Variants in CDC42BPB observed in about 807,000 individuals in gnomAD.
CDC42BPB encodes the protein CDC42 binding protein kinase beta.
Under a neutral mutation model 214.9 loss-of-function variants are expected in CDC42BPB, and 37 were observed. The ratio of observed to expected loss-of-function variants is 0.17; its 90% CI spans 0.13 to 0.23. CDC42BPB has a LOEUF of 0.23. Among genes scored for constraint, CDC42BPB ranks in the 10% least tolerant of loss-of-function variants. The probability of loss-of-function intolerance (pLI) is 1.00; values close to 1 mark genes in which losing one functional copy is unlikely to be tolerated. For missense variants in CDC42BPB, 1,694 were observed against 2,227.0 expected, an observed-to-expected ratio of 0.76 and a Z score of 4.82; for synonymous variants, 931 against 884.0, an observed-to-expected ratio of 1.05 and a Z score of -0.94.
chr14:102,977,247 G>A (rs1226993718), intron 9 of CDC42BPB, among the ~76,000 whole-genome samples: 1 of 151,682 alleles, frequency 6.6e-6, no homozygotes, highest in Non-Finnish European at 1.5e-5. Flanking sequence ...GCTGCGGCAG[G>A]GGAATCGCTT....
At chr14:102,994,693 C>G (rs1894647887) in intron 5 of CDC42BPB, among the ~76,000 whole-genome samples, 1 of 152,234 alleles carries the variant, frequency 6.6e-6, no homozygotes, top group African/African-American at 2.4e-5. Context: ...TCAGTGGCAT[C>G]CAGCAGGTGT....
At position 102,961,763 on chromosome 14, in the gene CDC42BPB, G is replaced by A. The variant is rs183753556; in HGVS notation, c.2821+1298C>T. 8.1e-4 allele frequency among the ~76,000 whole-genome samples: 124 copies of A among 152,216 alleles called. 1 individual carries two copies. Among genetic ancestry groups the A allele is most frequent in the African/African-American group, 4.3e-4 (18 of 41,516 alleles). ...TCTCCATGTTGGTCAGGCTGGTCTCGAACTCCAGACCTCAGGTGATCCGCC... is the reference window on the plus strand; with the variant it reads ...TCTCCATGTTGGTCAGGCTGGTCTCAAACTCCAGACCTCAGGTGATCCGCC... On this transcript the variant is annotated intron_variant, in intron 20 of 36. Transcript: ENST00000361246.
At chr14:103,002,183 A>C (rs2139602189) in intron 4 of CDC42BPB, among the ~76,000 whole-genome samples, 1 of 152,304 alleles carries the variant, frequency 6.6e-6, no homozygotes, top group East Asian at 1.9e-4. Flanking sequence ...CCAGCCTCAC[A>C]ACCATAGGAA....
intron 36 of CDC42BPB, among the ~76,000 whole-genome samples, chr14:102,934,512 C>T (rs577455729): frequency 3.2e-4 from 48 of 151,898 alleles, no homozygotes; most frequent in Admixed American, 1.7e-3. Context: ...CCAGCCTGGG[C>T]GACAGAGCGA....
chr14:102,962,835 C>T (rs985555562), intron 20 of CDC42BPB, among the ~76,000 whole-genome samples: 1 of 151,960 alleles, frequency 6.6e-6, no homozygotes, highest in Non-Finnish European at 1.5e-5. Context: ...CTGGGTGACA[C>T]AGCGAGACTG....
At chr14:102,954,849 AC>A in intron 21 of CDC42BPB, 161 bp from the exon 22 acceptor site, 1 of 983,464 alleles carries the variant, frequency 1.0e-6, no homozygotes, top group Non-Finnish European at 1.2e-6. Context: ...CTCCTCACAG[AC>A]CCCTGCTCCA....
intron 20 of CDC42BPB, among the ~76,000 whole-genome samples, chr14:102,961,715 G>C (rs538967225): frequency 6.6e-6 from 1 of 152,216 alleles, no homozygotes; most frequent in South Asian, 2.1e-4. Context: ...AGCTAATTTT[G>C]TATTTTTACA....
rs921200512 is a variant in CDC42BPB, at chr14:102,967,128, G to A, written c.2389C>T (p.Leu797=). ...VDKLTAQNRQ[L]EDELQDLAAK... ...GCCAGATCCTGCAGCTCATCCTCCA[G>A]CTGTCTATTTTGAGCTGTGAGTTTA... Residue 797 remains leucine (L), a synonymous_variant, in exon 17 of 37, where the codon CTG becomes TTG. Transcript: ENST00000361246. 3 of 1,614,154 alleles carry A rather than the reference G, an allele frequency of 1.9e-6. No individual in the cohort carries two copies. The highest frequency in any genetic ancestry group is 1.7e-4 in the Middle Eastern group (1 of 6,060).
intron 2 of CDC42BPB, 131 bp from the exon 3 acceptor site, chr14:103,008,686 C>T: frequency 6.8e-7 from 1 of 1,466,918 alleles, no homozygotes; most frequent in African/African-American, 1.4e-5. Flanking sequence ...AGCCAAGTTT[C>T]CCACCTAGCA....
rs34174242 is a variant in CDC42BPB, at chr14:103,057,275, G to A, written c.-102C>T. ...GGCTCGGCGGCTGCGAGCCCCGGCA[G>A]CAGCGGCGCCTCCTCGCCGCCCCGT... On this transcript the variant is annotated 5_prime_UTR_variant, in exon 1 of 37. Transcript: ENST00000361246. 5.0e-3 allele frequency: 5,768 copies of A among 1,143,060 alleles called. 237 individuals carry two copies. In the African/African-American group the frequency reaches 0.087, roughly 17 times the overall value. The allele number at this position is 1,143,060 out of a possible 1,614,324, so 70.8% of individuals were successfully genotyped here.
chr14:102,951,306 G>A (rs1892479679), intron 24 of CDC42BPB, among the ~76,000 whole-genome samples: 3 of 152,182 alleles, frequency 2.0e-5, no homozygotes, highest in Admixed American at 2.0e-4. Flanking sequence ...AGAATGAAGG[G>A]CATCTCTGTT....
chr14:102,987,075 G>A (rs35698623), intron 5 of CDC42BPB, among the ~76,000 whole-genome samples: 242 of 152,356 alleles, frequency 1.6e-3, no homozygotes, highest in African/African-American at 5.0e-3. Context: ...AGCTGGCTGG[G>A]GGCTGCCACA....
At chr14:102,990,624 C>T (rs1404670505) in intron 5 of CDC42BPB, among the ~76,000 whole-genome samples, 3 of 152,160 alleles carry the variant, frequency 2.0e-5, no homozygotes, top group Non-Finnish European at 4.4e-5. Flanking sequence ...TAGAAGCAGG[C>T]AACCCCATAG....
chr14:103,022,139 G>A (rs899316235), intron 1 of CDC42BPB, among the ~76,000 whole-genome samples: 3 of 152,158 alleles, frequency 2.0e-5, no homozygotes, highest in Admixed American at 6.5e-5. Flanking sequence ...TCGACATGAG[G>A]TGGCTGCGGG....
At chr14:102,940,424 G>C in intron 30 of CDC42BPB, 100 bp from the exon 31 acceptor site, 1 of 1,530,810 alleles carries the variant, frequency 6.5e-7, no homozygotes, top group Non-Finnish European at 8.8e-7. Context: ...AAGTGCAGAG[G>C]CGGCAGCACT....
intron 11 of CDC42BPB, 99 bp from the exon 12 acceptor site, chr14:102,974,248 C>A: frequency 6.6e-7 from 1 of 1,513,982 alleles, no homozygotes. Flanking sequence ...TTTAATAATT[C>A]ACAACACTTT....
intron 1 of CDC42BPB, among the ~76,000 whole-genome samples, chr14:103,049,370 T>C (rs1483973689): frequency 6.6e-6 from 1 of 152,252 alleles, no homozygotes; most frequent in Non-Finnish European, 1.5e-5. Flanking sequence ...CGGAGGCCTC[T>C]TGGAGCAAGG....
intron 2 of CDC42BPB, among the ~76,000 whole-genome samples, chr14:103,010,413 C>A (rs1264498184): frequency 6.6e-6 from 1 of 152,232 alleles, no homozygotes; most frequent in Non-Finnish European, 1.5e-5. Context: ...ACGAGCCTTG[C>A]AGGGGCTGCT....
chr14:102,977,901 C>T (rs926401513), intron 9 of CDC42BPB, among the ~76,000 whole-genome samples: 2 of 152,178 alleles, frequency 1.3e-5, no homozygotes, highest in Non-Finnish European at 2.9e-5. Context: ...TTCTTTACGA[C>T]CTGGATATCT....
Sources: allele counts gnomAD v4.1 joint callset (sites outside exome capture counted in the v4.1 genomes callset), GRCh38; gene constraint gnomAD v4.1.1; transcripts MANE v1.5; gene names NCBI Gene and HGNC (gene_info 2026-07-23, HGNC 2026-07-21).